The following FBXO15 variants were observed in gnomAD, a reference collection of about 807,000 sequenced individuals.
FBXO15 encodes the protein F-box protein 15, also known as F-box only protein 15.
A neutral mutation model predicts 49.5 loss-of-function variants in FBXO15; 30 were observed. That is an observed-to-expected ratio of 0.61 (90% CI 0.45 to 0.82). The LOEUF (loss-of-function observed/expected upper bound fraction) is 0.82, where lower values mean the gene tolerates loss of function less well. FBXO15 is among the 40% of genes least tolerant of loss of function. The probability of loss-of-function intolerance (pLI) is 0.00; values close to 1 mark genes in which losing one functional copy is unlikely to be tolerated. For missense variants in FBXO15, 591 were observed against 631.5 expected (o/e 0.94, Z 0.69); for synonymous variants, 250 against 232.7 (o/e 1.07, Z -0.68).
In FBXO15 at chr18:74,129,548, A is replaced by G. The variant is rs781316620; in HGVS notation, c.642T>C (p.His214=). ...ATGTGTCATTTATGGAAAGATCAAC[A>G]TGCTCCATGATATATTCTTTTCCAC... ...EKGGKEYIME[H]VDLSINDTSV... The change falls in exon 5 of 10, where the codon CAT becomes CAC. Residue 214 remains histidine (H), a synonymous_variant. Transcript: ENST00000419743. 9 of 1,613,470 alleles carry G rather than the reference A, an allele frequency of 5.6e-6. No individual in the cohort carries two copies. Among genetic ancestry groups the G allele is most frequent in the Non-Finnish European group, 6.8e-6 (8 of 1,179,928 alleles).
intron 9 of FBXO15, among the ~76,000 whole-genome samples, chr18:74,080,582 T>C (rs1215255209): frequency 1.3e-5 from 2 of 152,210 alleles, no homozygotes; most frequent in Admixed American, 6.5e-5. Flanking sequence ...TTGGAGCTCA[T>C]GTAAAGGTCC....
rs775167994 is a variant in FBXO15 at position 74,110,180 on chromosome 18, T to TAC, written c.1138+13186_1138+13187dup. Reference sequence around the variant, plus strand: ...ATATGTGTGCATATATATATATATATACACATATGTGTGCATATATATATA... The same window carrying TAC: ...ATATGTGTGCATATATATATATATATACACACATATGTGTGCATATATATATA... On this transcript the variant is annotated intron_variant, in intron 8 of 9. Coordinates refer to ENST00000419743, the MANE Select transcript of FBXO15 (RefSeq NM_001142958.2). Among the ~76,000 whole-genome samples, 265 of 116,994 alleles carry TAC rather than the reference T, an allele frequency of 2.3e-3. 3 individuals carry two copies. The highest frequency in any genetic ancestry group is 1.5e-3 in the Admixed American group (14 of 9,484). The allele number at this position is 116,994 out of a possible 152,430, so 76.8% of individuals were successfully genotyped here.
chr18:74,132,961 T>C (rs11151918), intron 3 of FBXO15, among the ~76,000 whole-genome samples: 27,536 of 152,226 alleles, frequency 0.18, 2,847 homozygotes, highest in East Asian at 0.27. Context: ...GCCCTTCAAG[T>C]GTGCCTGCCC....
At chr18:74,106,325 A>G (rs950692873) in intron 8 of FBXO15, among the ~76,000 whole-genome samples, 5 of 152,176 alleles carry the variant, frequency 3.3e-5, no homozygotes, top group African/African-American at 1.2e-4. Flanking sequence ...AAAACCTCTG[A>G]GATTCAAAAC....
Position 74,110,465 on chromosome 18 carries a change from A to C in FBXO15, c.1138+12903T>G, listed in dbSNP as rs115331162. Reference sequence around the variant, plus strand: ...ATAAAATGCTCAATTAAAACTACAAAATGCGGAAAAAGCATAGAATACATA... The same window carrying C: ...ATAAAATGCTCAATTAAAACTACAACATGCGGAAAAAGCATAGAATACATA... On this transcript the variant is annotated intron_variant, in intron 8 of 9. Transcript: ENST00000419743. Among the ~76,000 whole-genome samples the C allele has an allele frequency of 5.9e-3, 892 of 152,048 alleles. 18 individuals carry two copies. The highest frequency in any genetic ancestry group is 0.02 in the African/African-American group (837 of 41,542).
At chr18:74,123,644 C>T in intron 7 of FBXO15, 134 bp from the exon 8 acceptor site, 1 of 957,602 alleles carries the variant, frequency 1.0e-6, no homozygotes, top group Non-Finnish European at 1.5e-6. Flanking sequence ...CATAGGATTC[C>T]CTATAATCTT....
In FBXO15 at chr18:74,074,235, G is replaced by C. The variant is rs1268869636; in HGVS notation, c.1264-505C>G. On this transcript the variant is annotated intron_variant, in intron 9 of 9. Coordinates refer to ENST00000419743, the MANE Select transcript of FBXO15 (RefSeq NM_001142958.2). The surrounding 1 kb of genome is among the most constrained non-coding windows in gnomAD (Gnocchi z 4.7). ...AGCTCTGCACCCATGCTCCATGCCT[G>C]TCTCTGACATGTGCCAGCCTCCTGT... Among the ~76,000 whole-genome samples the C allele has an allele frequency of 6.6e-6, 1 of 152,160 alleles. No individual in the cohort carries two copies. The highest frequency in any genetic ancestry group is 1.5e-5 in the Non-Finnish European group (1 of 68,026).
At chr18:74,080,257 C>T (rs1259148186) in intron 9 of FBXO15, among the ~76,000 whole-genome samples, 1 of 152,226 alleles carries the variant, frequency 6.6e-6, no homozygotes, top group Non-Finnish European at 1.5e-5. Flanking sequence ...TATGACATCA[C>T]TGATCTGACT....
At chr18:74,109,764 G>A (rs1913926368) in intron 8 of FBXO15, among the ~76,000 whole-genome samples, 1 of 151,942 alleles carries the variant, frequency 6.6e-6, no homozygotes, top group African/African-American at 2.4e-5. Flanking sequence ...TCACTCGTAG[G>A]TGGGAGTTGA....
At chr18:74,147,482 A>AACTTAGGGT in intron 1 of FBXO15, 188 bp downstream of exon 1, 1 of 1,227,222 alleles carries the variant, frequency 8.1e-7, no homozygotes, top group Non-Finnish European at 1.0e-6. Context: ...TTTGTGTCAT[A>AACTTAGGGT]ACTTAGGGTA....
chr18:74,089,681 G>C (rs1220461359), intron 8 of FBXO15, among the ~76,000 whole-genome samples: 1 of 152,110 alleles, frequency 6.6e-6, no homozygotes, highest in African/African-American at 2.4e-5. Context: ...TAATCATGTG[G>C]TTTTTGTTTT....
chr18:74,142,097 C>G (rs1314532055), intron 1 of FBXO15, among the ~76,000 whole-genome samples: 1 of 152,190 alleles, frequency 6.6e-6, no homozygotes, highest in African/African-American at 2.4e-5. Context: ...CTCCACATGC[C>G]TTTCCATCCC....
At chr18:74,145,602 T>A (rs1224934776) in intron 1 of FBXO15, among the ~76,000 whole-genome samples, 3 of 143,198 alleles carry the variant, frequency 2.1e-5, no homozygotes, top group Middle Eastern at 3.2e-3. Flanking sequence ...CACTTTTTTT[T>A]TTTTTTTTTT....
chr18:74,098,564 A>T (rs1037804653), intron 8 of FBXO15: 8 of 152,322 alleles, frequency 5.3e-5, no homozygotes, highest in African/African-American at 1.9e-4. Context: ...TCTAACAAAG[A>T]CACAGAAAAA....
At chr18:74,080,245 C>T (rs984015703) in intron 9 of FBXO15, among the ~76,000 whole-genome samples, 3 of 152,316 alleles carry the variant, frequency 2.0e-5, no homozygotes, top group Admixed American at 6.5e-5. Flanking sequence ...AAATACAAGA[C>T]ATATGACATC....
chr18:74,102,618 G>C (rs1416111179), intron 8 of FBXO15, among the ~76,000 whole-genome samples: 1 of 152,106 alleles, frequency 6.6e-6, no homozygotes, highest in East Asian at 1.9e-4. Flanking sequence ...CTAACCAGAG[G>C]AAAATAAGTC....
chr18:74,142,222 C>G (rs556676984), intron 1 of FBXO15, among the ~76,000 whole-genome samples: 2 of 152,276 alleles, frequency 1.3e-5, no homozygotes, highest in South Asian at 4.1e-4. Flanking sequence ...GGAAGAAATG[C>G]TAATTGGGAC....
chr18:74,096,405 A>G (rs1012011693), intron 8 of FBXO15, among the ~76,000 whole-genome samples: 4 of 152,134 alleles, frequency 2.6e-5, no homozygotes, highest in African/African-American at 9.7e-5. Flanking sequence ...TGCATCTGAG[A>G]CAAGTAGTAC....
At chr18:74,121,988 G>A (rs1914488608) in intron 8 of FBXO15, among the ~76,000 whole-genome samples, 1 of 152,098 alleles carries the variant, frequency 6.6e-6, no homozygotes. Context: ...AACCAATATG[G>A]CCAACTGGAG....
Sources: allele counts gnomAD v4.1 joint callset (sites outside exome capture counted in the v4.1 genomes callset), GRCh38; gene constraint gnomAD v4.1.1; non-coding constraint Gnocchi (gnomAD v3.1); transcripts MANE v1.5; gene names NCBI Gene and HGNC (gene_info 2026-07-23, HGNC 2026-07-21).